UTP18: variants seen among roughly 807,000 people sequenced by gnomAD.
UTP18 encodes UTP18 small subunit processome component.
A neutral mutation model predicts 61.1 loss-of-function variants in UTP18; 36 were observed. That is an observed-to-expected ratio of 0.59 (90% CI 0.45 to 0.78). UTP18 has a LOEUF of 0.78. Ranked by LOEUF, UTP18 falls within the 30% of genes least tolerant of loss-of-function variation. The pLI, the probability that UTP18 is intolerant of heterozygous loss-of-function variation, is 0.00. For missense variants in UTP18, 753 were observed against 693.9 expected, an observed-to-expected ratio of 1.09 and a Z score of -0.96; for synonymous variants, 282 against 251.1, an observed-to-expected ratio of 1.12 and a Z score of -1.16.
At chr17:51,287,634 T>C (rs1905150300) in intron 10 of UTP18, among the ~76,000 whole-genome samples, 1 of 152,112 alleles carries the variant, frequency 6.6e-6, no homozygotes, top group Non-Finnish European at 1.5e-5. Flanking sequence ...ATGCAGTGCA[T>C]AATTAGGACT....
At chr17:51,273,017 A>G (rs923273332) in intron 4 of UTP18, among the ~76,000 whole-genome samples, 8 of 152,258 alleles carry the variant, frequency 5.3e-5, no homozygotes, top group Non-Finnish European at 1.0e-4. Context: ...CAATTTTGCC[A>G]TAATTATGAG....
chr17:51,284,690 T>G (rs1905047772), intron 9 of UTP18, among the ~76,000 whole-genome samples: 1 of 152,238 alleles, frequency 6.6e-6, no homozygotes, highest in Admixed American at 6.5e-5. Context: ...TTGTGATTTT[T>G]TTCCTGTAAA....
Position 51,288,016 on chromosome 17 carries a change from T to C in UTP18, c.1329-13T>C. 1.3e-6 allele frequency: 2 copies of C among 1,554,426 alleles called. No homozygotes were observed. The highest frequency in any genetic ancestry group is 1.7e-6 in the Non-Finnish European group (2 of 1,157,372). On this transcript the variant is annotated splice_polypyrimidine_tract_variant and intron_variant, in intron 10 of 13. Coordinates refer to ENST00000225298, the MANE Select transcript of UTP18 (RefSeq NM_016001.3). ...TTGGTTTTTAATCTATTTTAATCCTTTTCTCTTTGTAGTTCTAATTGTGGA... is the reference window on the plus strand; with the variant it reads ...TTGGTTTTTAATCTATTTTAATCCTCTTCTCTTTGTAGTTCTAATTGTGGA...
At chr17:51,291,103 G>GTAT (rs1223991168) in intron 11 of UTP18, among the ~76,000 whole-genome samples, 1 of 152,206 alleles carries the variant, frequency 6.6e-6, no homozygotes, top group Admixed American at 6.5e-5. Context: ...GATAGAAATG[G>GTAT]TATTAGAAAG....
chr17:51,294,588 C>T (rs541828794), intron 12 of UTP18, among the ~76,000 whole-genome samples: 1 of 152,166 alleles, frequency 6.6e-6, no homozygotes, highest in Admixed American at 6.6e-5. Flanking sequence ...TTTTCTTAAT[C>T]CAGTCTATCA....
At position 51,293,945 on chromosome 17, in the gene UTP18, A is replaced by T; in HGVS notation, c.1546A>T (p.Ile516Phe). The change falls in exon 12 of 14, where the codon ATT becomes TTT. Residue 516 changes from isoleucine (I) to phenylalanine (F), a missense_variant. Physicochemically the swap from Ile to Phe is conservative, Grantham distance 21. Transcript: ENST00000225298. ...TACAGTATTTTCAAACTTCCCAGTC[A>T]TTAAAAATAAGAATATTTCTCATGT... ...SCTVFSNFPV[I>F]KNKNISHVHT... is the part of the protein sequence containing the mutation. 5 of 1,604,718 alleles carry T rather than the reference A, an allele frequency of 3.1e-6. No individual in the cohort carries two copies. Among genetic ancestry groups the T allele is most frequent in the Non-Finnish European group, 4.3e-6 (5 of 1,175,462 alleles).
chr17:51,268,720 T>C (rs1904396546), intron 3 of UTP18, 117 bp from the exon 4 acceptor site: 1 of 781,194 alleles, frequency 1.3e-6, no homozygotes, highest in Middle Eastern at 2.6e-4. Flanking sequence ...GTTACTTCTT[T>C]GGAAGAGAGT....
intron 1 of UTP18, among the ~76,000 whole-genome samples, chr17:51,261,181 C>T (rs1221504688): frequency 6.6e-6 from 1 of 152,262 alleles, no homozygotes; most frequent in Non-Finnish European, 1.5e-5. Flanking sequence ...ATCTGCTTTG[C>T]GAACTGTGGT....
At chr17:51,290,913 A>G (rs1446759096) in intron 11 of UTP18, among the ~76,000 whole-genome samples, 1 of 152,242 alleles carries the variant, frequency 6.6e-6, no homozygotes, top group African/African-American at 2.4e-5. Flanking sequence ...CGGTTTTGTC[A>G]TCCCATTACA....
intron 3 of UTP18, 63 bp downstream of exon 3, chr17:51,266,343 C>A (rs1321743852): frequency 8.8e-7 from 1 of 1,138,934 alleles, no homozygotes; most frequent in African/African-American, 1.6e-5. Context: ...AGTCATTAAC[C>A]GTAACCGCTT....
intron 4 of UTP18, among the ~76,000 whole-genome samples, chr17:51,269,532 G>A (rs9911355): frequency 0.64 from 96,905 of 151,700 alleles, 31,604 homozygotes; most frequent in African/African-American, 0.78. Flanking sequence ...CACATCATGT[G>A]GGAGCTCCTT....
intron 5 of UTP18, among the ~76,000 whole-genome samples, chr17:51,273,771 A>AAATAAATAAATAAATAAATT (rs1263393227): frequency 2.2e-4 from 33 of 150,530 alleles, no homozygotes; most frequent in Non-Finnish European, 4.0e-4. Flanking sequence ...ATAAATAAAT[A>AAATAAATAAATAAATAAATT]AATTTTCCAG....
At chr17:51,266,711 A>G (rs1443146564) in intron 3 of UTP18, among the ~76,000 whole-genome samples, 1 of 152,186 alleles carries the variant, frequency 6.6e-6, no homozygotes, top group African/African-American at 2.4e-5. Flanking sequence ...TAATTTGTCA[A>G]TGTGCATCTC....
chr17:51,295,889 A>C (rs537838040), intron 12 of UTP18, among the ~76,000 whole-genome samples: 1 of 152,298 alleles, frequency 6.6e-6, no homozygotes, highest in Non-Finnish European at 1.5e-5. Context: ...GAGAATGTCA[A>C]ATTGAGAAAA....
At position 51,264,689 on chromosome 17, in the gene UTP18, TC is replaced by T. The variant is rs201245176; in HGVS notation, c.455+1304del. Among the ~76,000 whole-genome samples the T allele has an allele frequency of 7.1e-4, 106 of 148,318 alleles. 7 individuals are homozygous for T. The highest frequency in any genetic ancestry group is 6.9e-3 in the Middle Eastern group (2 of 288). On this transcript the variant is annotated intron_variant, in intron 2 of 13. Coordinates refer to ENST00000225298, the MANE Select transcript of UTP18 (RefSeq NM_016001.3). ...GTGTTTTTGTGTTTAGTCATTGTCT[TC>T]TTTTTTTTTTTTTTGAGACTCTCAT... is the stretch of plus-strand genomic sequence containing the variant.
chr17:51,281,140 A>G (rs957218110), intron 9 of UTP18, among the ~76,000 whole-genome samples: 4 of 133,076 alleles, frequency 3.0e-5, no homozygotes, highest in African/African-American at 1.3e-4. Context: ...TCACGTCTCA[A>G]AATATATATA....
At chr17:51,264,952 G>C (rs1027242568) in intron 2 of UTP18, among the ~76,000 whole-genome samples, 21 of 151,938 alleles carry the variant, frequency 1.4e-4, no homozygotes, top group African/African-American at 4.6e-4. Flanking sequence ...TAAAGTGCTG[G>C]GGTTACAGAC....
intron 2 of UTP18, among the ~76,000 whole-genome samples, chr17:51,265,952 A>G (rs532702799): frequency 6.6e-6 from 1 of 152,322 alleles, no homozygotes; most frequent in Admixed American, 6.5e-5. Context: ...AGTCATGATG[A>G]ATTTTCTCAA....
chr17:51,281,853 A>T (rs915965956), intron 9 of UTP18, among the ~76,000 whole-genome samples: 8 of 152,252 alleles, frequency 5.3e-5, no homozygotes, highest in Admixed American at 1.3e-4. Flanking sequence ...GACATTATTT[A>T]AAAAAAGATG....
Sources: allele counts gnomAD v4.1 joint callset (sites outside exome capture counted in the v4.1 genomes callset), GRCh38; gene constraint gnomAD v4.1.1; transcripts MANE v1.5; gene names NCBI Gene and HGNC (gene_info 2026-07-23, HGNC 2026-07-21).